The following KIZ variants were observed in gnomAD, a reference collection of about 807,000 sequenced individuals.
KIZ encodes the protein kizuna centrosomal protein, also known as centrosomal protein kizuna.
In KIZ, 68 loss-of-function variants were observed where a neutral mutation model predicts 79.6. The ratio of observed to expected loss-of-function variants is 0.85; its 90% CI spans 0.70 to 1.05. KIZ has a LOEUF of 1.05. Among genes scored for constraint, KIZ ranks in the 50% least tolerant of loss-of-function variants. The pLI, the probability that KIZ is intolerant of heterozygous loss-of-function variation, is 0.00. For missense variants in KIZ, 797 were observed against 800.4 expected (o/e 1.00, Z 0.05); for synonymous variants, 280 against 281.8 (o/e 0.99, Z 0.06).
At chr20:21,141,407 T>A (rs557588281) in intron 3 of KIZ, among the ~76,000 whole-genome samples, 1 of 152,198 alleles carries the variant, frequency 6.6e-6, no homozygotes, top group South Asian at 2.1e-4. Context: ...GGGATATGTG[T>A]CCAGCAGCTC....
At chr20:21,146,804 G>A (rs2032870616) in intron 4 of KIZ, among the ~76,000 whole-genome samples, 2 of 151,446 alleles carry the variant, frequency 1.3e-5, no homozygotes, top group South Asian at 2.1e-4. Context: ...GGAAGTTTTC[G>A]TTTTCCTTCC....
At chr20:21,176,217 C>T (rs563500534) in intron 6 of KIZ, among the ~76,000 whole-genome samples, 1 of 152,142 alleles carries the variant, frequency 6.6e-6, no homozygotes, top group Non-Finnish European at 1.5e-5. Context: ...GGCTGAGGCA[C>T]AAGAATTGCC....
intron 11 of KIZ, 156 bp downstream of exon 11, chr20:21,232,986 T>C: frequency 3.3e-6 from 2 of 598,574 alleles, no homozygotes; most frequent in South Asian, 4.0e-5. Flanking sequence ...AACTTTAGTC[T>C]ACCTTTGAAA....
At chr20:21,234,859 A>T (rs917133705) in intron 11 of KIZ, among the ~76,000 whole-genome samples, 1 of 150,986 alleles carries the variant, frequency 6.6e-6, no homozygotes, top group Non-Finnish European at 1.5e-5. Flanking sequence ...ACTACAGCTG[A>T]GGGATTTTAC....
chr20:21,213,087 A>G (rs187369589), intron 7 of KIZ, among the ~76,000 whole-genome samples: 30 of 152,284 alleles, frequency 2.0e-4, no homozygotes, highest in East Asian at 1.4e-3. Flanking sequence ...AAATCCCCCA[A>G]TCAGCTACTC....
chr20:21,182,745 C>T (rs759950407), intron 6 of KIZ, among the ~76,000 whole-genome samples: 9 of 147,756 alleles, frequency 6.1e-5, no homozygotes, highest in Admixed American at 1.4e-4. Context: ...TGCAGTGAGC[C>T]GAGATTGTGC....
chr20:21,187,600 C>T (rs2034934750), intron 6 of KIZ, among the ~76,000 whole-genome samples: 1 of 152,180 alleles, frequency 6.6e-6, no homozygotes. Flanking sequence ...CCTCACCAGC[C>T]CAGTCTGAGC....
chr20:21,158,688 A>T (rs1412582387), intron 4 of KIZ: 1 of 152,204 alleles, frequency 6.6e-6, no homozygotes, highest in Non-Finnish European at 1.5e-5. Context: ...CAGCTAGAGG[A>T]CTAAAGGATC....
At chr20:21,239,756 G>C (rs147550457) in intron 11 of KIZ, among the ~76,000 whole-genome samples, 66 of 152,322 alleles carry the variant, frequency 4.3e-4, no homozygotes, top group African/African-American at 1.6e-3. Flanking sequence ...CACGTATAGA[G>C]TGTTCACTGT....
intron 4 of KIZ, among the ~76,000 whole-genome samples, chr20:21,149,947 A>G (rs1367715317): frequency 6.6e-6 from 1 of 152,218 alleles, no homozygotes; most frequent in African/African-American, 2.4e-5. Flanking sequence ...GGAAGCACAG[A>G]TAGAAAAGAG....
chr20:21,128,035 C>T (rs1162204238), intron 1 of KIZ, among the ~76,000 whole-genome samples: 1 of 152,162 alleles, frequency 6.6e-6, no homozygotes, highest in Non-Finnish European at 1.5e-5. Context: ...TTGTTTGAAA[C>T]ATAGTCTCAC....
intron 4 of KIZ, among the ~76,000 whole-genome samples, chr20:21,155,111 T>C (rs1023520634): frequency 3.3e-5 from 5 of 152,204 alleles, no homozygotes; most frequent in African/African-American, 1.2e-4. Context: ...TGGCAGTTCC[T>C]GAAAAAGTTA....
chr20:21,198,786 T>C (rs1450495164), intron 6 of KIZ: 1 of 152,668 alleles, frequency 6.6e-6, no homozygotes, highest in Non-Finnish European at 1.5e-5. Flanking sequence ...ATGACCTTCC[T>C]GGTCAGTAGC....
At chr20:21,243,661 T>G (rs1415250522) in intron 11 of KIZ, among the ~76,000 whole-genome samples, 1 of 152,232 alleles carries the variant, frequency 6.6e-6, no homozygotes, top group Non-Finnish European at 1.5e-5. Context: ...CCAGTTTTCT[T>G]GTCATATTGG....
At chr20:21,128,379 A>G (rs2031618381) in intron 1 of KIZ, among the ~76,000 whole-genome samples, 1 of 152,158 alleles carries the variant, frequency 6.6e-6, no homozygotes, top group South Asian at 2.1e-4. Flanking sequence ...ACTGTCTCCT[A>G]AAATTCCTGA....
chr20:21,166,303 A>T, intron 6 of KIZ: 1 of 1,603,614 alleles, frequency 6.2e-7, no homozygotes, highest in Non-Finnish European at 8.5e-7. Context: ...AATGAAACCA[A>T]CTGGCAGGAT....
At chr20:21,154,609 G>T (rs1024300065) in intron 4 of KIZ, among the ~76,000 whole-genome samples, 5 of 152,198 alleles carry the variant, frequency 3.3e-5, no homozygotes, top group African/African-American at 1.2e-4. Flanking sequence ...GTGTGGAAAA[G>T]TTGGTCATTA....
At position 21,166,148 on chromosome 20, in the gene KIZ, A is replaced by ATTTT. The variant is rs34056823; in HGVS notation, c.1352+3002_1352+3005dup. On this transcript the variant is annotated intron_variant, in intron 6 of 12. Transcript: ENST00000619189. ...TGCTTGGCTAATTTTTGTATTTTGTATTTTTTTTTTTTTTTTGTCCATGAG... is the reference window on the plus strand; with the variant it reads ...TGCTTGGCTAATTTTTGTATTTTGTATTTTTTTTTTTTTTTTTTTTGTCCATGAG... 8.4e-5 allele frequency: 56 copies of ATTTT among 668,500 alleles called. 1 individual carries two copies. The highest frequency in any genetic ancestry group is 2.4e-4 in the South Asian group (13 of 53,224). The allele number at this position is 668,500 out of a possible 1,614,324, so 41.4% of individuals were successfully genotyped here.
intron 6 of KIZ, among the ~76,000 whole-genome samples, chr20:21,171,815 C>T (rs544009892): frequency 6.6e-6 from 1 of 152,344 alleles, no homozygotes; most frequent in Admixed American, 6.5e-5. Context: ...TTAGCTGGAA[C>T]TCTCACTATG....
Sources: gnomAD v4.1 joint callset for allele counts (sites outside exome capture counted in the v4.1 genomes callset) on GRCh38, gnomAD v4.1.1 for gene constraint, MANE v1.5 for transcripts, NCBI Gene and HGNC (gene_info 2026-07-23, HGNC 2026-07-21) for gene names.